Variants in STK24 observed in about 807,000 individuals in gnomAD.
STK24 encodes serine/threonine-protein kinase 24.
In STK24, 21 loss-of-function variants were observed where a neutral mutation model predicts 55.6. The ratio of observed to expected loss-of-function variants is 0.38; its 90% confidence interval spans 0.27 to 0.54. STK24 has a LOEUF of 0.54. STK24 is among the 20% of genes least tolerant of loss of function. The probability of loss-of-function intolerance (pLI) is 0.79; values close to 1 mark genes in which losing one functional copy is unlikely to be tolerated. For missense variants in STK24, 383 were observed against 538.4 expected, an observed-to-expected ratio of 0.71 and a Z score of 2.86; for synonymous variants, 200 against 215.2, an observed-to-expected ratio of 0.93 and a Z score of 0.62.
intron 1 of STK24, among the ~76,000 whole-genome samples, chr13:98,541,819 C>T (rs772287825): frequency 2.0e-5 from 3 of 152,186 alleles, no homozygotes; most frequent in Admixed American, 6.5e-5. Flanking sequence ...CTAAACAGCA[C>T]GCACTGGTAT....
At chr13:98,539,322 A>G (rs1566394642) in intron 1 of STK24, among the ~76,000 whole-genome samples, 1 of 152,202 alleles carries the variant, frequency 6.6e-6, no homozygotes, top group Admixed American at 6.5e-5. Flanking sequence ...GTAGGAGTAC[A>G]TCTATTGGCA....
chr13:98,554,809 G>A (rs577855361), intron 1 of STK24, among the ~76,000 whole-genome samples: 1 of 152,220 alleles, frequency 6.6e-6, no homozygotes, highest in Admixed American at 6.5e-5. Flanking sequence ...GAGGTCAGGA[G>A]TTCGAGACTA....
rs1389858678 is a variant in STK24, at chr13:98,450,500, G to C, written c.*2673C>G. ...ATCAGAACCCAGCAAGAAGTGGCCA[G>C]TGCACCCCAAACCACACTGGTGTCC... On this transcript the variant is annotated 3_prime_UTR_variant, in exon 11 of 11. Transcript: ENST00000539966. 5.3e-5 allele frequency: 8 copies of C among 152,236 alleles called. No homozygotes were observed. Among genetic ancestry groups the C allele is most frequent in the African/African-American group, 1.9e-4 (8 of 41,444 alleles). The allele number at this position is 152,236 out of a possible 1,614,324, so 9.4% of individuals were successfully genotyped here.
chr13:98,544,419 C>T (rs1594657560), intron 1 of STK24, among the ~76,000 whole-genome samples: 2 of 152,356 alleles, frequency 1.3e-5, no homozygotes, highest in Middle Eastern at 3.4e-3. Context: ...CCCCAGGCAA[C>T]TGGGCCCTGA....
intron 5 of STK24, among the ~76,000 whole-genome samples, chr13:98,468,904 G>A (rs1894028474): frequency 6.6e-6 from 1 of 152,114 alleles, no homozygotes; most frequent in South Asian, 2.1e-4. Context: ...TCACCCTATT[G>A]TGCTACTGAA....
At chr13:98,518,525 T>G (rs1243555550) in intron 2 of STK24, among the ~76,000 whole-genome samples, 1 of 152,246 alleles carries the variant, frequency 6.6e-6, no homozygotes, top group Non-Finnish European at 1.5e-5. Flanking sequence ...ACAACATTTT[T>G]AAGTTCAGTG....
At chr13:98,548,648 G>A (rs9517344) in intron 1 of STK24, among the ~76,000 whole-genome samples, 27,626 of 151,932 alleles carry the variant, frequency 0.18, 2,603 homozygotes, top group South Asian at 0.25. Context: ...GATTACCTGA[G>A]GTCAGGAGTT....
intron 3 of STK24, among the ~76,000 whole-genome samples, chr13:98,476,142 T>C (rs1894363222): frequency 6.6e-6 from 1 of 152,104 alleles, no homozygotes; most frequent in Non-Finnish European, 1.5e-5. Context: ...TATCCACAAC[T>C]ATATCAGATG....
At position 98,460,358 on chromosome 13, in the gene STK24, A is replaced by C; in HGVS notation, c.1122+14T>G. ...CCTCCCCTCCCACTCCGAAAAGGCC[A>C]GCCAGGTACCTACCTCTGCAAACAG... On this transcript the variant is annotated intron_variant, in intron 9 of 10. Coordinates refer to ENST00000539966, the MANE Select transcript of STK24 (RefSeq NM_001032296.4). The C allele has an allele frequency of 6.2e-7, 1 of 1,612,298 alleles. No homozygotes were observed. Among genetic ancestry groups the C allele is most frequent in the East Asian group, 2.2e-5 (1 of 44,870 alleles).
intron 8 of STK24, 75 bp from the exon 9 acceptor site, chr13:98,460,515 C>T (rs573767066): frequency 1.6e-6 from 2 of 1,261,726 alleles, no homozygotes; most frequent in South Asian, 2.5e-5. Flanking sequence ...AAACCTCCCA[C>T]CTGGACTATG....
chr13:98,554,189 C>T (rs201433000), intron 1 of STK24, among the ~76,000 whole-genome samples: 5 of 151,968 alleles, frequency 3.3e-5, no homozygotes, highest in Non-Finnish European at 7.4e-5. Flanking sequence ...CAACTTACTC[C>T]CTTTAAAGAA....
At chr13:98,554,298 C>T (rs1897233627) in intron 1 of STK24, among the ~76,000 whole-genome samples, 1 of 152,148 alleles carries the variant, frequency 6.6e-6, no homozygotes, top group Non-Finnish European at 1.5e-5. Flanking sequence ...ACATTTAATA[C>T]CTACTGCTCT....
rs548797717 is a variant in STK24 at position 98,538,958 on chromosome 13, G to A, written c.43-19485C>T. The stretch of plus-strand genomic sequence containing the variant: ...TCACAATTTCTGGAAGGCATTCGAA[G>A]GAGACACAGGAGTCAGGGCTGGTGG... On this transcript the variant is annotated intron_variant, in intron 1 of 10. Coordinates refer to ENST00000539966, the MANE Select transcript of STK24 (RefSeq NM_001032296.4). Among the ~76,000 whole-genome samples, 5 of 152,336 alleles carry A rather than the reference G, an allele frequency of 3.3e-5. No individual in the cohort carries two copies. The South Asian group carries it at 1.0e-3, about 32-fold the overall frequency.
At chr13:98,482,354 C>G (rs1894623477) in intron 2 of STK24, 33 bp from the exon 3 acceptor site, 1 of 1,358,286 alleles carries the variant, frequency 7.4e-7, no homozygotes, top group East Asian at 2.3e-5. Flanking sequence ...GAATCATTTT[C>G]AAAATGAATC....
At chr13:98,533,926 G>T (rs896991160) in intron 1 of STK24, among the ~76,000 whole-genome samples, 10 of 152,176 alleles carry the variant, frequency 6.6e-5, no homozygotes, top group Admixed American at 2.0e-4. Context: ...TGTGTGCCAA[G>T]GTGAGGCTCT....
chr13:98,543,074 G>C lies in STK24; in HGVS notation c.43-23601C>G, dbSNP rs79998687. On this transcript the variant is annotated intron_variant, in intron 1 of 10. Coordinates refer to ENST00000539966, the MANE Select transcript of STK24 (RefSeq NM_001032296.4). ...CAGGTGCCAGCAAAGGCCAAGGGAGGGGGGAGAGGCCGCAGCTCCGCTCCG... is the reference window on the plus strand; with the variant it reads ...CAGGTGCCAGCAAAGGCCAAGGGAGCGGGGAGAGGCCGCAGCTCCGCTCCG... The C allele has an allele frequency of 1.2e-4, 116 of 969,122 alleles. 1 individual carries two copies. In the Admixed American group the frequency reaches 2.3e-3, roughly 20 times the overall value. The allele number at this position is 969,122 out of a possible 1,614,324, so 60.0% of individuals were successfully genotyped here. A position where few individuals can be genotyped will look rare whatever the true frequency, so the allele number is the denominator to read the frequency against.
At chr13:98,552,949 G>A (rs1467031139) in intron 1 of STK24, among the ~76,000 whole-genome samples, 15 of 152,102 alleles carry the variant, frequency 9.9e-5, no homozygotes, top group East Asian at 5.8e-4. Flanking sequence ...GAGCTCCACC[G>A]TCAGCGATGG....
In STK24 at chr13:98,447,370, G is replaced by T. The variant is rs1381302546; in HGVS notation, c.*5803C>A. The T allele has an allele frequency of 6.6e-6, 1 of 152,572 alleles. No homozygotes were observed. The highest frequency in any genetic ancestry group is 1.5e-5 in the Non-Finnish European group (1 of 68,338). 9.5% of individuals were successfully genotyped at this position (152,572 alleles called of 1,614,324 possible). ...CATCACCTGAAAAAGGAACCTAGAGGAGAGCCATTCTCAAATCTGATCCTG... is the reference window on the plus strand; with the variant it reads ...CATCACCTGAAAAAGGAACCTAGAGTAGAGCCATTCTCAAATCTGATCCTG... On this transcript the variant is annotated 3_prime_UTR_variant, in exon 11 of 11. Coordinates refer to ENST00000539966, the MANE Select transcript of STK24 (RefSeq NM_001032296.4).
At chr13:98,486,518 A>G (rs369924355) in intron 2 of STK24, among the ~76,000 whole-genome samples, 49 of 152,282 alleles carry the variant, frequency 3.2e-4, no homozygotes, top group African/African-American at 1.2e-3. Flanking sequence ...CACACCAGGG[A>G]TCCTCCACCC....
Sources: allele counts gnomAD v4.1 joint callset (sites outside exome capture counted in the v4.1 genomes callset), GRCh38; gene constraint gnomAD v4.1.1; transcripts MANE v1.5; gene names NCBI Gene and HGNC (gene_info 2026-07-23, HGNC 2026-07-21).